RAB19: variants seen among roughly 807,000 people sequenced by gnomAD.
The protein encoded by RAB19 is RAB19, member RAS oncogene family, also known as ras-related protein Rab-19.
RAB19 carries 21 observed loss-of-function variants against 17.3 expected under a neutral mutation model. The observed-to-expected ratio is 1.21, with a 90% CI of 0.86 to 1.74. The LOEUF is 1.74. Among genes scored for constraint, RAB19 ranks in the 40% most tolerant of loss-of-function variants. The pLI, the probability that RAB19 is intolerant of heterozygous loss-of-function variation, is 0.00. For synonymous variants in RAB19, 126 were observed against 110.4 expected (o/e 1.14, Z -0.88); for missense variants, 277 against 286.8 (o/e 0.97, Z 0.25).
chr7:140,412,344 C>G (rs373058906), intron 3 of RAB19, among the ~76,000 whole-genome samples: 1 of 151,866 alleles, frequency 6.6e-6, no homozygotes, highest in Admixed American at 6.6e-5. Context: ...CCCAGCTACT[C>G]GGGAGGCTGA....
In RAB19 at chr7:140,416,572, GT is replaced by G. The variant is rs1455204450; in HGVS notation, c.385+4517del. 1.3e-4 allele frequency among the ~76,000 whole-genome samples: 20 copies of G among 152,226 alleles called. No homozygotes were observed. The East Asian group carries it at 1.5e-3, about 12-fold the overall frequency. On this transcript the variant is annotated intron_variant, in intron 3 of 3. Transcript: ENST00000537763. ...GTACATTCTTGTCTGGCCATTTAAT[GT>G]TCTGTGTGTCTGTCTTGCCTCCCTA...
intron 3 of RAB19, among the ~76,000 whole-genome samples, chr7:140,420,500 G>C (rs918075631): frequency 6.6e-6 from 1 of 152,020 alleles, no homozygotes; most frequent in Non-Finnish European, 1.5e-5. Context: ...ACCTGCCCCT[G>C]GGAAGGAGAG....
At chr7:140,412,918 G>C (rs1044038073) in intron 3 of RAB19, among the ~76,000 whole-genome samples, 1 of 150,808 alleles carries the variant, frequency 6.6e-6, no homozygotes, top group Non-Finnish European at 1.5e-5. Context: ...TGAGCCCAGG[G>C]TTTCAAGACC....
intron 3 of RAB19, 31 bp downstream of exon 3, chr7:140,412,088 T>A: frequency 6.3e-7 from 1 of 1,581,780 alleles, no homozygotes; most frequent in Non-Finnish European, 8.6e-7. Context: ...TTAACTTTTG[T>A]TTACTCTCCT....
At chr7:140,409,165 A>T (rs997146613) in intron 2 of RAB19, among the ~76,000 whole-genome samples, 2 of 151,854 alleles carry the variant, frequency 1.3e-5, no homozygotes, top group African/African-American at 4.8e-5. Context: ...GAAGTTCAAG[A>T]CCAGCCTGGC....
At chr7:140,415,492 A>G (rs930434370) in intron 3 of RAB19, among the ~76,000 whole-genome samples, 58 of 152,250 alleles carry the variant, frequency 3.8e-4, no homozygotes, top group African/African-American at 1.4e-3. Context: ...TCACTCAACA[A>G]AAACCCTCAG....
chr7:140,413,408 T>C (rs1799401630), intron 3 of RAB19, among the ~76,000 whole-genome samples: 1 of 151,836 alleles, frequency 6.6e-6, no homozygotes, highest in African/African-American at 2.4e-5. Context: ...CTTTTCTATT[T>C]CTGTGATGAA....
chr7:140,405,435 T>TG (rs1165510011), intron 1 of RAB19, among the ~76,000 whole-genome samples: 1 of 152,042 alleles, frequency 6.6e-6, no homozygotes, highest in Admixed American at 6.6e-5. Context: ...TTGGCCAAGC[T>TG]GATCTTGAAC....
intron 3 of RAB19, among the ~76,000 whole-genome samples, chr7:140,421,330 G>A (rs1585430910): frequency 1.3e-5 from 2 of 151,962 alleles, no homozygotes; most frequent in South Asian, 4.1e-4. Flanking sequence ...TAGCTGGGAC[G>A]ACAGGCACAT....
intron 3 of RAB19, among the ~76,000 whole-genome samples, chr7:140,412,905 G>T (rs1354008721): frequency 6.6e-6 from 1 of 150,944 alleles, no homozygotes; most frequent in East Asian, 2.0e-4. Context: ...CAGGTAAATT[G>T]CTTGAGCCCA....
intron 1 of RAB19, among the ~76,000 whole-genome samples, chr7:140,406,037 G>A (rs1286295676): frequency 6.6e-6 from 1 of 151,864 alleles, no homozygotes; most frequent in Non-Finnish European, 1.5e-5. Flanking sequence ...GAGGTCAAGA[G>A]TTCCTAACCA....
chr7:140,426,092 A>C lies in RAB19; in HGVS notation c.596A>C (p.Asp199Ala), dbSNP rs1223852264. 2 of 1,613,822 alleles carry C rather than the reference A, an allele frequency of 1.2e-6. No homozygotes were observed. Among genetic ancestry groups the C allele is most frequent in the East Asian group, 4.5e-5 (2 of 44,876 alleles). ...AGTGCCCTGAACGGCCTCCCCCTGG[A>C]CTCCAGCCCCGTTCTTATGGCCCAG... ...GESALNGLPL[D>A]SSPVLMAQGP... Residue 199 changes from aspartate to alanine, a missense_variant, in exon 4 of 4, where the codon GAC becomes GCC. Asp to Ala is a moderately radical substitution (Grantham distance 126). Transcript: ENST00000537763.
At chr7:140,408,044 ATTT>A (rs35586721) in intron 2 of RAB19, among the ~76,000 whole-genome samples, 197 bp downstream of exon 2, 5 of 142,332 alleles carry the variant, frequency 3.5e-5, no homozygotes, top group African/African-American at 1.3e-4. Context: ...CGCCCGGCAA[ATTT>A]TTTTTTTTTT....
At chr7:140,408,046 T>C (rs1799282636) in intron 2 of RAB19, among the ~76,000 whole-genome samples, 199 bp downstream of exon 2, 1 of 140,374 alleles carries the variant, frequency 7.1e-6, no homozygotes, top group African/African-American at 2.5e-5. Flanking sequence ...CCCGGCAAAT[T>C]TTTTTTTTTT....
intron 2 of RAB19, among the ~76,000 whole-genome samples, chr7:140,410,631 G>A (rs372627269): frequency 3.3e-5 from 5 of 151,696 alleles, no homozygotes; most frequent in African/African-American, 1.2e-4. Flanking sequence ...CGGCCTTTTT[G>A]TATTTTTCGT....
Position 140,426,263 on chromosome 7 carries a change from G to A in RAB19, c.*113G>A, listed in dbSNP as rs112566891. 3.5e-5 allele frequency: 44 copies of A among 1,247,542 alleles called. No homozygotes were observed. The highest frequency in any genetic ancestry group is 7.6e-5 in the African/African-American group (5 of 66,038). 77.3% of individuals were successfully genotyped at this position (1,247,542 alleles called of 1,614,324 possible). On this transcript the variant is annotated 3_prime_UTR_variant, in exon 4 of 4. Coordinates refer to ENST00000537763, the MANE Select transcript of RAB19 (RefSeq NM_001008749.3). ...CTTTAGACCCCAGCGTGGACTTGCC[G>A]CTCACCCCTAATCCTCCCAGTCTGG...
chr7:140,407,495 G>C, intron 1 of RAB19, 129 bp from the exon 2 acceptor site: 1 of 647,144 alleles, frequency 1.5e-6, no homozygotes, highest in East Asian at 2.7e-5. Flanking sequence ...CAACTCCTCT[G>C]TGCCCGACTA....
chr7:140,405,639 A>C (rs1799224276), intron 1 of RAB19, among the ~76,000 whole-genome samples: 2 of 152,024 alleles, frequency 1.3e-5, no homozygotes, highest in South Asian at 4.1e-4. Flanking sequence ...CGGCCTGCCA[A>C]AGTGCTAGGA....
intron 3 of RAB19, among the ~76,000 whole-genome samples, chr7:140,423,881 T>G (rs1304918367): frequency 6.6e-6 from 1 of 152,086 alleles, no homozygotes; most frequent in Non-Finnish European, 1.5e-5. Flanking sequence ...AAGACAGAAT[T>G]TTACTCTTGT....
Sources: allele counts gnomAD v4.1 joint callset (sites outside exome capture counted in the v4.1 genomes callset), GRCh38; gene constraint gnomAD v4.1.1; transcripts MANE v1.5; gene names NCBI Gene and HGNC (gene_info 2026-07-23, HGNC 2026-07-21).